FUT9: variants seen among roughly 807,000 people sequenced by gnomAD.
FUT9 encodes fucosyltransferase 9, also known as 4-galactosyl-N-acetylglucosaminide 3-alpha-L-fucosyltransferase 9.
A neutral mutation model predicts 29.7 loss-of-function variants in FUT9; 15 were observed. The ratio of observed to expected loss-of-function variants is 0.51; its 90% confidence interval spans 0.34 to 0.78. FUT9 has a LOEUF of 0.78. FUT9 is among the 30% of genes least tolerant of loss of function. FUT9 has a pLI of 0.01. For missense variants in FUT9, 319 were observed against 425.4 expected (o/e 0.75, Z 2.20); for synonymous variants, 169 against 153.7 (o/e 1.10, Z -0.74).
chr6:96,190,393 G>C (rs1773483532), intron 2 of FUT9, among the ~76,000 whole-genome samples: 1 of 152,038 alleles, frequency 6.6e-6, no homozygotes, highest in Non-Finnish European at 1.5e-5. Context: ...TCTTGGAGTT[G>C]CTCTTCTTGA....
At chr6:96,051,263 A>G (rs1193931342) in intron 1 of FUT9, among the ~76,000 whole-genome samples, 2 of 152,016 alleles carry the variant, frequency 1.3e-5, no homozygotes, top group Non-Finnish European at 2.9e-5. Flanking sequence ...TCTCTTTTTC[A>G]TTTTTACCCT....
At chr6:96,200,920 ATATT>A (rs980389678) in intron 2 of FUT9, among the ~76,000 whole-genome samples, 4 of 151,940 alleles carry the variant, frequency 2.6e-5, no homozygotes, top group African/African-American at 9.7e-5. Context: ...TCTATTTCTA[ATATT>A]TATTATTGCT....
intron 2 of FUT9, among the ~76,000 whole-genome samples, chr6:96,177,957 G>A (rs1462968469): frequency 4.6e-5 from 7 of 152,128 alleles, no homozygotes; most frequent in Non-Finnish European, 1.0e-4. Context: ...AGCAGAAGCA[G>A]TCTTTGATAG....
At position 96,205,839 on chromosome 6, in the gene FUT9, A is replaced by C. The variant is rs1773818509; in HGVS notation, c.*1604A>C. ...AATTCAGTAAAAAGGGCATAGATCC[A>C]GCTATCCAGACTATCTTGTGAGAGA... On this transcript the variant is annotated 3_prime_UTR_variant, in exon 3 of 3. Coordinates refer to ENST00000302103, the MANE Select transcript of FUT9 (RefSeq NM_006581.4). The C allele has an allele frequency of 6.0e-6, 1 of 166,978 alleles. No homozygotes were observed. The highest frequency in any genetic ancestry group is 2.4e-5 in the African/African-American group (1 of 41,468). 10.3% of individuals were successfully genotyped at this position (166,978 alleles called of 1,614,324 possible). A position where few individuals can be genotyped will look rare whatever the true frequency, so the allele number is the denominator to read the frequency against.
chr6:96,182,014 T>C lies in FUT9; in HGVS notation c.-8-21134T>C, dbSNP rs189061885. 3.9e-4 allele frequency among the ~76,000 whole-genome samples: 59 copies of C among 152,240 alleles called. 1 individual carries two copies. In the East Asian group the frequency reaches 9.3e-3, roughly 24 times the overall value. On this transcript the variant is annotated intron_variant, in intron 2 of 2. Transcript: ENST00000302103. Reference sequence around the variant, plus strand: ...TAAGGAATCTCCACACTGTTTGCCATAGTGGTTGTACTAGTTTACATTCCC... The same window carrying C: ...TAAGGAATCTCCACACTGTTTGCCACAGTGGTTGTACTAGTTTACATTCCC...
At chr6:96,159,731 CT>C (rs1772861802) in intron 2 of FUT9, among the ~76,000 whole-genome samples, 1 of 152,098 alleles carries the variant, frequency 6.6e-6, no homozygotes, top group African/African-American at 2.4e-5. Flanking sequence ...TATTTAATAA[CT>C]GTTAAAAATG....
At chr6:96,120,053 A>G (rs4269380) in intron 2 of FUT9, among the ~76,000 whole-genome samples, 137,703 of 152,108 alleles carry the variant, frequency 0.91, 63,566 homozygotes, top group East Asian at 1. Flanking sequence ...CTGTTACAAT[A>G]CATAAATATG....
intron 1 of FUT9, among the ~76,000 whole-genome samples, chr6:96,034,883 T>C (rs894532000): frequency 1.3e-5 from 2 of 151,772 alleles, no homozygotes; most frequent in African/African-American, 2.4e-5. Flanking sequence ...AAAGATCAGT[T>C]TTGGAACAAT....
At chr6:96,163,036 G>A (rs1194634789) in intron 2 of FUT9, among the ~76,000 whole-genome samples, 1 of 152,120 alleles carries the variant, frequency 6.6e-6, no homozygotes, top group African/African-American at 2.4e-5. Flanking sequence ...CTCAGAGCCT[G>A]GAGAGGATTT....
intron 1 of FUT9, among the ~76,000 whole-genome samples, chr6:96,018,186 T>A (rs56767554): frequency 0.094 from 14,350 of 152,084 alleles, 1,843 homozygotes; most frequent in African/African-American, 0.28. Flanking sequence ...AAAGCTGTTC[T>A]CATTTGGGTA....
intron 1 of FUT9, among the ~76,000 whole-genome samples, chr6:96,081,993 T>A (rs1272062513): frequency 6.6e-6 from 1 of 151,874 alleles, no homozygotes; most frequent in Non-Finnish European, 1.5e-5. Context: ...CATTTGGTCA[T>A]TTAAACATAA....
chr6:96,138,188 G>T (rs1048958839), intron 2 of FUT9, among the ~76,000 whole-genome samples: 2 of 152,112 alleles, frequency 1.3e-5, no homozygotes, highest in Admixed American at 6.5e-5. Context: ...GGGCAGCAAT[G>T]GTTTTCCAAG....
intron 1 of FUT9, among the ~76,000 whole-genome samples, chr6:96,045,139 T>C (rs1038121286): frequency 3.9e-5 from 6 of 152,172 alleles, no homozygotes; most frequent in African/African-American, 1.4e-4. Flanking sequence ...TGGGCCAAAT[T>C]GATTGATCTG....
intron 1 of FUT9, among the ~76,000 whole-genome samples, chr6:96,097,429 G>T (rs75408081): frequency 0.025 from 3,809 of 152,028 alleles, 74 homozygotes; most frequent in East Asian, 0.079. Context: ...ACAAGTCAGG[G>T]TTTATTAAAT....
intron 1 of FUT9, among the ~76,000 whole-genome samples, chr6:96,052,400 T>G (rs953791979): frequency 2.0e-5 from 3 of 152,200 alleles, no homozygotes; most frequent in African/African-American, 7.2e-5. Flanking sequence ...TCCATGATAT[T>G]TATTCTCTGC....
chr6:96,128,306 C>A (rs1772169844), intron 2 of FUT9, among the ~76,000 whole-genome samples: 1 of 151,822 alleles, frequency 6.6e-6, no homozygotes, highest in Non-Finnish European at 1.5e-5. Flanking sequence ...ATCCAAAATG[C>A]CATAATAAAA....
intron 1 of FUT9, among the ~76,000 whole-genome samples, chr6:96,101,523 T>G (rs1582229876): frequency 1.3e-5 from 2 of 151,886 alleles, no homozygotes. Flanking sequence ...CACTCCAGCC[T>G]GGGCAAACAA....
chr6:96,073,976 T>A (rs529991359), intron 1 of FUT9, among the ~76,000 whole-genome samples: 1 of 152,302 alleles, frequency 6.6e-6, no homozygotes, highest in African/African-American at 2.4e-5. Flanking sequence ...ACAGTATAAC[T>A]ACGGCTTGTT....
intron 2 of FUT9, among the ~76,000 whole-genome samples, chr6:96,185,043 C>A (rs1452492100): frequency 6.6e-6 from 1 of 151,942 alleles, no homozygotes; most frequent in Non-Finnish European, 1.5e-5. Flanking sequence ...GGAGATTAGA[C>A]CAGGCCACCA....
Sources: allele counts gnomAD v4.1 joint callset (sites outside exome capture counted in the v4.1 genomes callset), GRCh38; gene constraint gnomAD v4.1.1; transcripts MANE v1.5; gene names NCBI Gene and HGNC (gene_info 2026-07-23, HGNC 2026-07-21).